COL19A1: variants seen among roughly 807,000 people sequenced by gnomAD.
The protein encoded by COL19A1 is collagen alpha-1(XIX) chain.
In COL19A1, 159 loss-of-function variants were observed where a neutral mutation model predicts 190.2. The ratio of observed to expected loss-of-function variants is 0.84; its 90% confidence interval spans 0.73 to 0.95. The LOEUF (loss-of-function observed/expected upper bound fraction) is 0.95. Ranked by LOEUF, COL19A1 falls within the 40% of genes least tolerant of loss-of-function variation. The pLI is 0.00. For synonymous variants in COL19A1, 509 were observed against 458.9 expected, an observed-to-expected ratio of 1.11 and a Z score of -1.39; for missense variants, 1,418 against 1,431.9, an observed-to-expected ratio of 0.99 and a Z score of 0.16.
chr6:70,076,912 T>C (rs1781916959), intron 15 of COL19A1, among the ~76,000 whole-genome samples: 1 of 152,218 alleles, frequency 6.6e-6, no homozygotes, highest in Non-Finnish European at 1.5e-5. Context: ...ATTTCATATG[T>C]TTACCATTGG....
intron 11 of COL19A1, among the ~76,000 whole-genome samples, chr6:69,999,723 A>G (rs1777133163): frequency 6.6e-6 from 1 of 152,200 alleles, no homozygotes; most frequent in South Asian, 2.1e-4. Flanking sequence ...ATTAGTATCT[A>G]ATGTAAGCTC....
At chr6:70,133,959 A>AT (rs1427495697) in intron 18 of COL19A1, among the ~76,000 whole-genome samples, 1 of 152,196 alleles carries the variant, frequency 6.6e-6, no homozygotes, top group East Asian at 1.9e-4. Flanking sequence ...TAGAGCAGCT[A>AT]TGAATATACT....
chr6:69,959,623 T>C (rs370595889), intron 9 of COL19A1, among the ~76,000 whole-genome samples: 1 of 152,240 alleles, frequency 6.6e-6, no homozygotes, highest in South Asian at 2.1e-4. Context: ...GCCTGGCCCA[T>C]AGAAAGCACG....
intron 40 of COL19A1, among the ~76,000 whole-genome samples, chr6:70,170,612 G>A (rs896091964): frequency 6.6e-6 from 1 of 152,102 alleles, no homozygotes; most frequent in Non-Finnish European, 1.5e-5. Flanking sequence ...TGTTGAGAAT[G>A]TAAACAAGGA....
chr6:69,870,696 A>G (rs1344035883), intron 1 of COL19A1, among the ~76,000 whole-genome samples: 2 of 152,160 alleles, frequency 1.3e-5, no homozygotes, highest in Non-Finnish European at 2.9e-5. Context: ...CAGTTAAGTG[A>G]CTAGGTCTTT....
chr6:69,966,268 G>T (rs981347706), intron 11 of COL19A1, among the ~76,000 whole-genome samples: 8 of 152,280 alleles, frequency 5.3e-5, no homozygotes, highest in Admixed American at 5.2e-4. Context: ...CGTCTGGGAG[G>T]TGTACCCAAC....
rs1463042178 is a variant in COL19A1, at chr6:70,144,927, G to C, written c.1690G>C (p.Gly564Arg). The part of the protein sequence containing the change: ...QGIKGEKGDP[G>R]GIIGPPGLPG... ...ACCTTGTTTTCTACAGGGAGATCCGGGTGGGATCATAGGCCCTCCCGGGCT... is the reference window on the plus strand; with the variant it reads ...ACCTTGTTTTCTACAGGGAGATCCGCGTGGGATCATAGGCCCTCCCGGGCT... The change falls in exon 25 of 51, where the codon GGT becomes CGT. Residue 564 changes from glycine (G) to arginine (R), a missense_variant. Physicochemically the swap from Gly to Arg is moderately radical, Grantham distance 125 (BLOSUM62 -2). Coordinates refer to ENST00000620364, the MANE Select transcript of COL19A1 (RefSeq NM_001858.6). The C allele has an allele frequency of 6.3e-7, 1 of 1,577,006 alleles. No homozygotes were observed. The highest frequency in any genetic ancestry group is 2.3e-5 in the East Asian group (1 of 43,318).
chr6:69,955,854 C>A (rs1313087666), intron 9 of COL19A1, among the ~76,000 whole-genome samples: 1 of 151,840 alleles, frequency 6.6e-6, no homozygotes, highest in Non-Finnish European at 1.5e-5. Context: ...GACTGATGGG[C>A]AAAATATGGG....
In COL19A1 at chr6:70,137,686, G is replaced by A. The variant is rs767257431; in HGVS notation, c.1385G>A (p.Gly462Asp). The A allele has an allele frequency of 1.9e-6, 3 of 1,613,246 alleles. No individual in the cohort carries two copies. The highest frequency in any genetic ancestry group is 2.2e-5 in the East Asian group (1 of 44,854). ...CTCTCTTCTGCTTTGTCTTGAAAGG[G>A]TGAAACTGGACTACCAGGATTTCCA... ...HEAGGLKGDK[G>D]ETGLPGFPGS... Residue 462 changes from glycine to aspartate, a missense_variant and splice_region_variant, in exon 19 of 51, where the codon GGT becomes GAT. By Grantham distance (94) the Gly-to-Asp change is moderately conservative. Transcript: ENST00000620364.
chr6:70,185,962 C>T (rs1236321977), intron 46 of COL19A1, among the ~76,000 whole-genome samples: 3 of 152,012 alleles, frequency 2.0e-5, no homozygotes, highest in Non-Finnish European at 1.5e-5. Context: ...GTACGTATTT[C>T]CATCTCTCTC....
chr6:70,061,949 A>G (rs767071794), intron 14 of COL19A1, among the ~76,000 whole-genome samples: 2 of 152,080 alleles, frequency 1.3e-5, no homozygotes, highest in African/African-American at 4.8e-5. Context: ...GCCATTTTAA[A>G]GTTGGCCTAA....
At chr6:70,166,541 G>A (rs958253306) in intron 37 of COL19A1, among the ~76,000 whole-genome samples, 8 of 152,332 alleles carry the variant, frequency 5.3e-5, no homozygotes, top group African/African-American at 9.6e-5. Flanking sequence ...CTCTCTCCGT[G>A]GCAAGTCTGC....
intron 11 of COL19A1, among the ~76,000 whole-genome samples, chr6:69,989,553 C>CTT (rs3072698): frequency 1.0e-4 from 13 of 126,320 alleles, no homozygotes; most frequent in African/African-American, 1.9e-4. Context: ...GAGTTTTTTA[C>CTT]TTTTTTTTTT....
chr6:70,106,565 T>C (rs1287871517), intron 16 of COL19A1, among the ~76,000 whole-genome samples: 1 of 152,226 alleles, frequency 6.6e-6, no homozygotes, highest in African/African-American at 2.4e-5. Context: ...CTTTAGGACT[T>C]ATTTGAAATT....
intron 16 of COL19A1, among the ~76,000 whole-genome samples, chr6:70,111,829 T>C (rs1784302938): frequency 6.6e-6 from 1 of 152,162 alleles, no homozygotes. Context: ...ATCACACATT[T>C]GAGTTGAAAG....
intron 11 of COL19A1, among the ~76,000 whole-genome samples, chr6:69,974,966 C>T (rs1364839269): frequency 6.6e-6 from 1 of 151,910 alleles, no homozygotes; most frequent in Non-Finnish European, 1.5e-5. Context: ...GTGCCTGCCA[C>T]CACACCCGGC....
intron 4 of COL19A1, among the ~76,000 whole-genome samples, chr6:69,907,449 A>G (rs187776868): frequency 1.3e-5 from 2 of 152,280 alleles, no homozygotes; most frequent in East Asian, 3.9e-4. Flanking sequence ...CATTATAAAT[A>G]ACACTACAAC....
chr6:69,889,974 T>C (rs1381522637), intron 2 of COL19A1: 2 of 152,410 alleles, frequency 1.3e-5, no homozygotes, highest in African/African-American at 4.8e-5. Context: ...GCTGTAACAC[T>C]TGCCGCGAAG....
intron 15 of COL19A1, among the ~76,000 whole-genome samples, chr6:70,096,751 C>G (rs891074103): frequency 1.3e-5 from 2 of 152,072 alleles, no homozygotes; most frequent in African/African-American, 4.8e-5. Flanking sequence ...GAAATAACAG[C>G]TTTAGTTTTA....
Sources: gnomAD v4.1 joint callset for allele counts (sites outside exome capture counted in the v4.1 genomes callset) on GRCh38, gnomAD v4.1.1 for gene constraint, MANE v1.5 for transcripts, NCBI Gene and HGNC (gene_info 2026-07-23, HGNC 2026-07-21) for gene names.